The following PSAP variants were observed in gnomAD, a reference collection of about 807,000 sequenced individuals.
PSAP encodes precursor of saposins.
In PSAP, 25 loss-of-function variants were observed where a neutral mutation model predicts 66.0. That is an observed-to-expected ratio of 0.38 (90% confidence interval 0.28 to 0.53). The LOEUF (loss-of-function observed/expected upper bound fraction) is 0.53. Among genes scored for constraint, PSAP ranks in the 20% least tolerant of loss-of-function variants. The pLI is 0.83. For missense variants in PSAP, 649 were observed against 668.8 expected (o/e 0.97, Z 0.33); for synonymous variants, 273 against 258.9 (o/e 1.05, Z -0.52).
At chr10:71,844,171 C>A (rs570179424) in intron 1 of PSAP, among the ~76,000 whole-genome samples, 25 of 152,302 alleles carry the variant, frequency 1.6e-4, no homozygotes, top group Non-Finnish European at 2.9e-5. Flanking sequence ...AAACTGAATA[C>A]GTTATGGAAT....
Position 71,817,115 on chromosome 10 carries a change from A to G in PSAP, c.*326T>C. 1 of 462,502 alleles carries G rather than the reference A, an allele frequency of 2.2e-6. No individual in the cohort carries two copies. Among genetic ancestry groups the G allele is most frequent in the Non-Finnish European group, 4.0e-6 (1 of 251,458 alleles). The allele number at this position is 462,502 out of a possible 1,614,324, so 28.6% of individuals were successfully genotyped here. A position where few individuals can be genotyped will look rare whatever the true frequency, so the allele number is the denominator to read the frequency against. On this transcript the variant is annotated 3_prime_UTR_variant, in exon 14 of 14. Transcript: ENST00000394936. ...AACAAGGCCTCAACCAAGAGGGTTGATGGCCTCCAGTCAAGAAACTGTGGC... is the reference window on the plus strand; with the variant it reads ...AACAAGGCCTCAACCAAGAGGGTTGGTGGCCTCCAGTCAAGAAACTGTGGC...
intron 2 of PSAP, 118 bp from the exon 3 acceptor site, chr10:71,832,038 C>T (rs921332866): frequency 1.1e-5 from 11 of 1,014,622 alleles, no homozygotes; most frequent in Non-Finnish European, 1.5e-5. Flanking sequence ...ATCATGACCG[C>T]GCTCCTGTCA....
At chr10:71,845,160 T>C (rs1433769251) in intron 1 of PSAP, among the ~76,000 whole-genome samples, 1 of 152,214 alleles carries the variant, frequency 6.6e-6, no homozygotes, top group Non-Finnish European at 1.5e-5. Flanking sequence ...CCTGAGGGTC[T>C]TGGAACATAA....
At chr10:71,818,403 T>A (rs908439293) in intron 13 of PSAP, among the ~76,000 whole-genome samples, 1 of 152,050 alleles carries the variant, frequency 6.6e-6, no homozygotes, top group African/African-American at 2.4e-5. Flanking sequence ...AATAAATAAA[T>A]AAAATCCACC....
At position 71,834,486 on chromosome 10, in the gene PSAP, A is replaced by G. The variant is rs188252882; in HGVS notation, c.60T>C (p.Leu20=). ...AGCCCCTGGTGCATTCTTTCAGTCCAAGGACCGGGCCGGCTAGAGCTAAAA... is the reference window on the plus strand; with the variant it reads ...AGCCCCTGGTGCATTCTTTCAGTCCGAGGACCGGGCCGGCTAGAGCTAAAA... The part of the protein sequence containing the change: ...LLGAALAGPV[L]GLKECTRGSA... The change falls in exon 2 of 14, where the codon CTT becomes CTC. Residue 20 remains leucine, a synonymous_variant. Transcript: ENST00000394936. 31 of 1,614,028 alleles carry G rather than the reference A, an allele frequency of 1.9e-5. No homozygotes were observed. The highest frequency in any genetic ancestry group is 1.7e-4 in the Middle Eastern group (1 of 6,056).
At chr10:71,849,088 G>A (rs1238671490) in intron 1 of PSAP, among the ~76,000 whole-genome samples, 4 of 151,818 alleles carry the variant, frequency 2.6e-5, no homozygotes, top group African/African-American at 4.8e-5. Flanking sequence ...ACGTCAACAA[G>A]AACAATGGAT....
chr10:71,851,037 G>A (rs1842918562), intron 1 of PSAP, 145 bp downstream of exon 1: 1 of 946,244 alleles, frequency 1.1e-6, no homozygotes, highest in South Asian at 1.4e-5. Flanking sequence ...GCCAGAGAAA[G>A]CCAGCGAACG....
intron 7 of PSAP, chr10:71,823,790 T>C (rs1842348588): frequency 1.2e-6 from 1 of 860,024 alleles, no homozygotes; most frequent in Non-Finnish European, 1.6e-6. Context: ...ATTCCTTGTA[T>C]CTGTCAGAGC....
intron 2 of PSAP, among the ~76,000 whole-genome samples, chr10:71,832,572 G>A (rs1842541353): frequency 6.6e-6 from 1 of 152,160 alleles, no homozygotes; most frequent in Non-Finnish European, 1.5e-5. Flanking sequence ...TGCATTTAGA[G>A]AAACCAACTT....
intron 7 of PSAP, among the ~76,000 whole-genome samples, chr10:71,822,392 C>T (rs1015076506): frequency 3.3e-5 from 5 of 152,204 alleles, no homozygotes; most frequent in Non-Finnish European, 7.3e-5. Flanking sequence ...AGAGGGGGAA[C>T]TACCATGCCC....
At chr10:71,834,258 G>T in intron 2 of PSAP, 114 bp downstream of exon 2, 1 of 1,537,718 alleles carries the variant, frequency 6.5e-7, no homozygotes, top group Non-Finnish European at 8.8e-7. Flanking sequence ...ACAGTGAGAA[G>T]TAAACAAAAC....
intron 6 of PSAP, 69 bp from the exon 7 acceptor site, chr10:71,825,962 C>A (rs1276851337): frequency 1.5e-6 from 2 of 1,347,566 alleles, no homozygotes; most frequent in Non-Finnish European, 2.1e-6. Flanking sequence ...CCAACAAAAA[C>A]CCCCCAGCAT....
intron 1 of PSAP, among the ~76,000 whole-genome samples, chr10:71,834,884 A>G (rs560908496): frequency 1.3e-5 from 2 of 152,362 alleles, no homozygotes; most frequent in Admixed American, 1.3e-4. Flanking sequence ...ATTCAAATAC[A>G]GGGAAGATTT....
intron 1 of PSAP, among the ~76,000 whole-genome samples, chr10:71,846,152 C>T (rs1842818039): frequency 6.6e-6 from 1 of 152,026 alleles, no homozygotes; most frequent in Admixed American, 6.6e-5. Flanking sequence ...TAAACAGCAA[C>T]CCAGTGAAAT....
At chr10:71,851,128 G>A (rs999935765) in intron 1 of PSAP, 54 bp downstream of exon 1, 130 of 1,541,248 alleles carry the variant, frequency 8.4e-5, no homozygotes, top group Non-Finnish European at 1.1e-4. Context: ...CCATTCTGGG[G>A]CAGATGGACG....
At chr10:71,833,730 C>A (rs1336097848) in intron 2 of PSAP, among the ~76,000 whole-genome samples, 1 of 152,238 alleles carries the variant, frequency 6.6e-6, no homozygotes, top group African/African-American at 2.4e-5. Flanking sequence ...CCGTGAGGAA[C>A]ACACCCATGG....
chr10:71,841,341 C>T (rs4747207), intron 1 of PSAP, among the ~76,000 whole-genome samples: 117,524 of 152,268 alleles, frequency 0.77, 45,499 homozygotes, highest in South Asian at 0.8. Context: ...TATTCTGAAC[C>T]TGTCTCATCT....
In PSAP at chr10:71,817,406, G is replaced by A; in HGVS notation, c.*35C>T. ...GACACACAAGTAGAAAAAAACCAAT[G>A]CTGTGGTTTCTGCCAAGATGGAATA... On this transcript the variant is annotated 3_prime_UTR_variant, in exon 14 of 14. Coordinates refer to ENST00000394936, the MANE Select transcript of PSAP (RefSeq NM_002778.4). The A allele has an allele frequency of 2.5e-6, 4 of 1,610,884 alleles. No individual in the cohort carries two copies. The highest frequency in any genetic ancestry group is 3.4e-6 in the Non-Finnish European group (4 of 1,176,996).
rs1325881886 is a variant in PSAP, at chr10:71,828,487, A to G, written c.577-330T>C. On this transcript the variant is annotated intron_variant, in intron 5 of 13. Transcript: ENST00000394936. ...TCTGAGCAACATGGCAAAACAAAAAATACAAAAATTAGCCAGGTGTGGTGG... is the reference window on the plus strand; with the variant it reads ...TCTGAGCAACATGGCAAAACAAAAAGTACAAAAATTAGCCAGGTGTGGTGG... 2.0e-5 allele frequency among the ~76,000 whole-genome samples: 3 copies of G among 152,064 alleles called. No individual in the cohort carries two copies. The East Asian group carries it at 5.8e-4, about 29-fold the overall frequency.
Sources: gnomAD v4.1 joint callset for allele counts (sites outside exome capture counted in the v4.1 genomes callset) on GRCh38, gnomAD v4.1.1 for gene constraint, MANE v1.5 for transcripts, NCBI Gene and HGNC (gene_info 2026-07-23, HGNC 2026-07-21) for gene names.